Variants in FRMD4B observed in about 807,000 individuals in gnomAD.
FRMD4B encodes the protein FERM domain-containing protein 4B.
FRMD4B carries 74 observed loss-of-function variants against 141.5 expected under a neutral mutation model. The observed-to-expected ratio is 0.52, with a 90% CI of 0.43 to 0.63. FRMD4B has a LOEUF of 0.63. FRMD4B is among the 30% of genes least tolerant of loss of function. The probability of loss-of-function intolerance (pLI) is 0.00; values close to 1 mark genes in which losing one functional copy is unlikely to be tolerated. For synonymous variants in FRMD4B, 506 were observed against 467.9 expected (o/e 1.08, Z -1.05); for missense variants, 1,366 against 1,253.4 (o/e 1.09, Z -1.36).
At chr3:69,427,643 G>GT (rs774316609) in intron 2 of FRMD4B, among the ~76,000 whole-genome samples, 892 of 36,242 alleles carry the variant, frequency 0.025, 232 homozygotes, top group African/African-American at 0.047. Flanking sequence ...CTAGGTAAAT[G>GT]TTTTTTTTTT....
intron 17 of FRMD4B, among the ~76,000 whole-genome samples, chr3:69,191,455 C>T (rs762681091): frequency 2.0e-4 from 31 of 151,962 alleles, no homozygotes; most frequent in Non-Finnish European, 4.0e-4. Context: ...AAAAAACAAA[C>T]GTATTCAGTA....
intron 1 of FRMD4B, among the ~76,000 whole-genome samples, chr3:69,437,950 C>A (rs1705286940): frequency 1.7e-5 from 2 of 121,002 alleles, no homozygotes; most frequent in African/African-American, 6.6e-5. Flanking sequence ...ATAACATATA[C>A]TAATATAATA....
At chr3:69,377,159 G>A (rs1406165909) in intron 1 of FRMD4B, 1 of 152,128 alleles carries the variant, frequency 6.6e-6, no homozygotes, top group Non-Finnish European at 1.5e-5. Flanking sequence ...TAGTTTTTGG[G>A]TACCTTAGCA....
intron 1 of FRMD4B, among the ~76,000 whole-genome samples, chr3:69,347,977 A>G (rs1480332465): frequency 1.3e-5 from 2 of 152,210 alleles, no homozygotes; most frequent in African/African-American, 2.4e-5. Context: ...AGAAATAACT[A>G]AGATCAGAGC....
intron 7 of FRMD4B, among the ~76,000 whole-genome samples, chr3:69,226,077 G>GC (rs983149504): frequency 6.6e-6 from 1 of 152,074 alleles, no homozygotes; most frequent in East Asian, 1.9e-4. Flanking sequence ...AAGTAGACGA[G>GC]CCCCCCAGCT....
chr3:69,238,383 A>T (rs2093360693), intron 7 of FRMD4B, among the ~76,000 whole-genome samples: 1 of 152,204 alleles, frequency 6.6e-6, no homozygotes, highest in South Asian at 2.1e-4. Flanking sequence ...AACCTTTGTG[A>T]GCCTGCATTT....
chr3:69,410,361 G>A (rs1384568327), intron 2 of FRMD4B, among the ~76,000 whole-genome samples: 6 of 152,092 alleles, frequency 3.9e-5, no homozygotes, highest in South Asian at 2.1e-4. Flanking sequence ...GAATATCTGC[G>A]TGAGTGTAAT....
intron 1 of FRMD4B, among the ~76,000 whole-genome samples, chr3:69,359,224 G>A (rs547819143): frequency 9.2e-5 from 14 of 152,228 alleles, no homozygotes; most frequent in Non-Finnish European, 1.5e-4. Context: ...TAAAGCAGGA[G>A]GACATGATAA....
At chr3:69,312,979 T>C (rs1189479655) in intron 2 of FRMD4B, among the ~76,000 whole-genome samples, 1 of 152,242 alleles carries the variant, frequency 6.6e-6, no homozygotes, top group African/African-American at 2.4e-5. Context: ...TCTAGCTTGA[T>C]TTTTAACCAT....
intron 1 of FRMD4B, among the ~76,000 whole-genome samples, chr3:69,315,327 C>T (rs1270285174): frequency 6.6e-6 from 1 of 152,004 alleles, no homozygotes; most frequent in East Asian, 1.9e-4. Context: ...TTTAAGAATC[C>T]TCATAGACCA....
intron 1 of FRMD4B, among the ~76,000 whole-genome samples, chr3:69,509,432 A>G (rs181943501): frequency 2.0e-5 from 3 of 152,324 alleles, no homozygotes; most frequent in Non-Finnish European, 4.4e-5. Context: ...AGTTAGGGGC[A>G]CACAGAATCA....
intron 19 of FRMD4B, among the ~76,000 whole-genome samples, chr3:69,187,564 T>TATATAC (rs1340684476): frequency 6.8e-6 from 1 of 146,854 alleles, no homozygotes; most frequent in East Asian, 2.0e-4. Context: ...TATATATATA[T>TATATAC]ATACATATAT....
At chr3:69,489,555 A>G (rs1706271001) in intron 1 of FRMD4B, among the ~76,000 whole-genome samples, 1 of 152,218 alleles carries the variant, frequency 6.6e-6, no homozygotes, top group Non-Finnish European at 1.5e-5. Flanking sequence ...TATACCCACT[A>G]GAATGGCTAT....
At chr3:69,209,093 A>G (rs1427679898) in intron 11 of FRMD4B, among the ~76,000 whole-genome samples, 3 of 151,784 alleles carry the variant, frequency 2.0e-5, no homozygotes, top group Non-Finnish European at 4.4e-5. Context: ...GCAGTGAGCC[A>G]AGATCACGCC....
chr3:69,282,738 A>G (rs1203714341), intron 5 of FRMD4B, among the ~76,000 whole-genome samples: 1 of 152,086 alleles, frequency 6.6e-6, no homozygotes, highest in Non-Finnish European at 1.5e-5. Context: ...TCCAGGTTCA[A>G]GCGATTCTCC....
chr3:69,181,377 A>G lies in FRMD4B; in HGVS notation c.2373T>C (p.Gly791=). Reference sequence around the variant, plus strand: ...GTGGCTCCTGACTCTTTGAGTAAACACCATTCCTCAAACTATCCTTTTGTG... The same window carrying G: ...GTGGCTCCTGACTCTTTGAGTAAACGCCATTCCTCAAACTATCCTTTTGTG... ...NLAQKDSLRN[G]VYSKSQEPPS... The change falls in exon 21 of 23, where the codon GGT becomes GGC. Residue 791 remains glycine, a synonymous_variant. Transcript: ENST00000398540. 1.2e-6 allele frequency: 2 copies of G among 1,613,282 alleles called. No homozygotes were observed. The highest frequency in any genetic ancestry group is 2.2e-5 in the South Asian group (2 of 91,062).
At chr3:69,195,481 C>T in intron 14 of FRMD4B, 117 bp from the exon 15 acceptor site, 1 of 788,248 alleles carries the variant, frequency 1.3e-6, no homozygotes, top group Non-Finnish European at 1.9e-6. Context: ...TTCTTTTCTC[C>T]TTGTTTCTCA....
intron 1 of FRMD4B, among the ~76,000 whole-genome samples, chr3:69,533,784 T>C (rs911784414): frequency 2.0e-5 from 3 of 152,174 alleles, no homozygotes; most frequent in Non-Finnish European, 4.4e-5. Context: ...CCTGCTACCA[T>C]GCCACTGCAG....
At position 69,500,286 on chromosome 3, in the gene FRMD4B, T is replaced by G. The variant is rs528700753; in HGVS notation, c.-129+41920A>C. On this transcript the variant is annotated intron_variant, in intron 1 of 5. Coordinates refer to the FRMD4B transcript ENST00000459638. ...TGGGCAGAACTCTCATCGGGACTTATGAAAATAGATTTTATAACGTCAGCT... is the reference window on the plus strand; with the variant it reads ...TGGGCAGAACTCTCATCGGGACTTAGGAAAATAGATTTTATAACGTCAGCT... 7.9e-5 allele frequency among the ~76,000 whole-genome samples: 12 copies of G among 152,364 alleles called. No homozygotes were observed. In the East Asian group the frequency reaches 1.9e-3, roughly 24 times the overall value.
Sources: allele counts gnomAD v4.1 joint callset (sites outside exome capture counted in the v4.1 genomes callset), GRCh38; gene constraint gnomAD v4.1.1; transcripts MANE v1.5; gene names NCBI Gene and HGNC (gene_info 2026-07-23, HGNC 2026-07-21).